The following RSRC1 variants were observed in gnomAD, a reference collection of about 807,000 sequenced individuals.
The protein encoded by RSRC1 is arginine and serine rich coiled-coil 1.
In RSRC1, 39 loss-of-function variants were observed where a neutral mutation model predicts 49.1. The ratio of observed to expected loss-of-function variants is 0.79; its 90% confidence interval spans 0.61 to 1.04. RSRC1 has a LOEUF of 1.04. Ranked by LOEUF, RSRC1 falls within the 50% of genes least tolerant of loss-of-function variation. The probability of loss-of-function intolerance (pLI) is 0.00; values close to 1 mark genes in which losing one functional copy is unlikely to be tolerated. For missense variants in RSRC1, 388 were observed against 402.4 expected, an observed-to-expected ratio of 0.96 and a Z score of 0.31; for synonymous variants, 143 against 130.8, an observed-to-expected ratio of 1.09 and a Z score of -0.63.
intron 6 of RSRC1, among the ~76,000 whole-genome samples, chr3:158,414,117 A>C (rs1734614999): frequency 6.6e-6 from 1 of 152,220 alleles, no homozygotes; most frequent in Non-Finnish European, 1.5e-5. Context: ...TCATGGCAGC[A>C]CTATTCACTG....
chr3:158,283,290 T>C (rs1726285896), intron 4 of RSRC1, among the ~76,000 whole-genome samples: 2 of 151,584 alleles, frequency 1.3e-5, no homozygotes, highest in Non-Finnish European at 2.9e-5. Context: ...TGTGAGGATT[T>C]TTTTAAAAAT....
rs1350814044 is a variant in RSRC1, at chr3:158,409,259, C to T, written c.584-51676C>T. Among the ~76,000 whole-genome samples the T allele has an allele frequency of 5.9e-5, 9 of 152,032 alleles. No homozygotes were observed. In the South Asian group the frequency reaches 1.5e-3, roughly 25 times the overall value. On this transcript the variant is annotated intron_variant, in intron 6 of 9. Coordinates refer to ENST00000611884, the MANE Select transcript of RSRC1 (RefSeq NM_001271838.2). ...GACACAAGTTTGCCTGTGTAACAAACCTACACACATACCCTGAACTTAAAA... is the reference window on the plus strand; with the variant it reads ...GACACAAGTTTGCCTGTGTAACAAATCTACACACATACCCTGAACTTAAAA...
intron 3 of RSRC1, among the ~76,000 whole-genome samples, chr3:158,153,692 G>C (rs1257611624): frequency 2.0e-5 from 3 of 152,120 alleles, no homozygotes; most frequent in African/African-American, 7.2e-5. Context: ...ATCTGAATAG[G>C]TGTGATGTTT....
chr3:158,194,657 C>T, intron 3 of RSRC1, among the ~76,000 whole-genome samples: 1 of 131,856 alleles, frequency 7.6e-6, no homozygotes, highest in Non-Finnish European at 1.6e-5. Context: ...TCCCCCCACC[C>T]CACAACAGGC....
At chr3:158,190,390 T>A (rs1288852248) in intron 3 of RSRC1, among the ~76,000 whole-genome samples, 1 of 151,900 alleles carries the variant, frequency 6.6e-6, no homozygotes, top group Non-Finnish European at 1.5e-5. Context: ...TTCTATAACT[T>A]TTTTCTGAAA....
intron 7 of RSRC1, among the ~76,000 whole-genome samples, chr3:158,476,756 A>G (rs1738385784): frequency 6.6e-6 from 1 of 152,178 alleles, no homozygotes; most frequent in Admixed American, 6.6e-5. Context: ...CCCTGGATAA[A>G]AGAACTAATT....
chr3:158,388,950 T>C (rs772136351), intron 6 of RSRC1, among the ~76,000 whole-genome samples: 2 of 152,156 alleles, frequency 1.3e-5, no homozygotes, highest in Non-Finnish European at 2.9e-5. Flanking sequence ...TGAAATATAC[T>C]ATCAAGTTGG....
chr3:158,304,734 T>G lies in RSRC1; in HGVS notation c.531+6659T>G, dbSNP rs544834009. On this transcript the variant is annotated intron_variant, in intron 5 of 9. Coordinates refer to ENST00000611884, the MANE Select transcript of RSRC1 (RefSeq NM_001271838.2). ...AATATATTTTTCTCACCTAAGACAA[T>G]ATACATTTGAGGTTTAGGGTGAAAC... Among the ~76,000 whole-genome samples the G allele has an allele frequency of 8.5e-5, 13 of 152,136 alleles. No individual in the cohort carries two copies. The South Asian group carries it at 1.0e-3, about 12-fold the overall frequency.
At chr3:158,191,515 C>T (rs1414579937) in intron 3 of RSRC1, among the ~76,000 whole-genome samples, 1 of 151,854 alleles carries the variant, frequency 6.6e-6, no homozygotes, top group Non-Finnish European at 1.5e-5. Context: ...GTCAGTAATT[C>T]ATTTTATGTA....
At chr3:158,285,313 G>A (rs1309615994) in intron 4 of RSRC1, among the ~76,000 whole-genome samples, 1 of 152,222 alleles carries the variant, frequency 6.6e-6, no homozygotes, top group East Asian at 1.9e-4. Context: ...CGTATAGTTT[G>A]AAGTCAGGTA....
At chr3:158,500,985 G>A (rs1035656438) in intron 7 of RSRC1, among the ~76,000 whole-genome samples, 3 of 152,124 alleles carry the variant, frequency 2.0e-5, no homozygotes, top group African/African-American at 7.2e-5. Context: ...TCTTTTTGAT[G>A]TAGGTGTTTA....
At chr3:158,388,629 G>A (rs1016341910) in intron 6 of RSRC1, among the ~76,000 whole-genome samples, 1 of 96,546 alleles carries the variant, frequency 1.0e-5, no homozygotes, top group Non-Finnish European at 2.0e-5. Flanking sequence ...TTTTTTTTTT[G>A]AGACTGAGTC....
intron 6 of RSRC1, among the ~76,000 whole-genome samples, chr3:158,429,978 A>T (rs1374241090): frequency 6.6e-6 from 1 of 151,762 alleles, no homozygotes; most frequent in Non-Finnish European, 1.5e-5. Flanking sequence ...CATGGTACCT[A>T]TAGTAAACAA....
At chr3:158,240,178 G>T (rs1413950361) in intron 4 of RSRC1, among the ~76,000 whole-genome samples, 2 of 151,994 alleles carry the variant, frequency 1.3e-5, no homozygotes, top group African/African-American at 4.8e-5. Flanking sequence ...GCCTATTACA[G>T]TTATTATTTT....
Position 158,500,933 on chromosome 3 carries a change from C to T in RSRC1, c.653-36159C>T, listed in dbSNP as rs146376376. Among the ~76,000 whole-genome samples the T allele has an allele frequency of 1.7e-3, 254 of 151,738 alleles. 1 individual carries two copies. Among genetic ancestry groups the T allele is most frequent in the African/African-American group, 5.9e-3 (246 of 41,366 alleles). The stretch of plus-strand genomic sequence containing the variant: ...TTGTTTTTTTCTTGTTTCTCTAGTT[C>T]CTTGAGGTGTGACCTTAGAATGTCA... On this transcript the variant is annotated intron_variant, in intron 7 of 9. Transcript: ENST00000611884.
intron 2 of RSRC1, among the ~76,000 whole-genome samples, chr3:158,123,455 T>C (rs1355567422): frequency 6.6e-6 from 1 of 152,200 alleles, no homozygotes. Context: ...CATGCCTAGC[T>C]AAGTTTTTTT....
chr3:158,333,647 C>T (rs1444240945), intron 5 of RSRC1, among the ~76,000 whole-genome samples: 1 of 152,000 alleles, frequency 6.6e-6, no homozygotes, highest in Non-Finnish European at 1.5e-5. Flanking sequence ...GACAAAGCTT[C>T]AAAAAAGTAA....
intron 5 of RSRC1, among the ~76,000 whole-genome samples, chr3:158,313,428 A>G (rs1054078387): frequency 1.3e-5 from 2 of 152,212 alleles, no homozygotes; most frequent in Non-Finnish European, 2.9e-5. Context: ...TGTGTCTCTC[A>G]TCATGAAAAA....
intron 3 of RSRC1, among the ~76,000 whole-genome samples, chr3:158,158,003 A>G (rs1396006235): frequency 6.6e-6 from 1 of 152,180 alleles, no homozygotes; most frequent in African/African-American, 2.4e-5. Flanking sequence ...TTACACAAAA[A>G]TAAGGCAAAA....
Sources: gnomAD v4.1 joint callset for allele counts (sites outside exome capture counted in the v4.1 genomes callset) on GRCh38, gnomAD v4.1.1 for gene constraint, MANE v1.5 for transcripts, NCBI Gene and HGNC (gene_info 2026-07-23, HGNC 2026-07-21) for gene names.